The following HDAC9 variants were observed in gnomAD, a reference collection of about 807,000 sequenced individuals.
HDAC9 encodes histone deacetylase 9.
HDAC9 carries 41 observed loss-of-function variants against 139.4 expected under a neutral mutation model. That is an observed-to-expected ratio of 0.29 (90% CI 0.23 to 0.38). The LOEUF is 0.38. Ranked by LOEUF, HDAC9 falls within the 10% of genes least tolerant of loss-of-function variation. The probability of loss-of-function intolerance (pLI) is 1.00; values close to 1 mark genes in which losing one functional copy is unlikely to be tolerated. For synonymous variants in HDAC9, 517 were observed against 476.2 expected, an observed-to-expected ratio of 1.09 and a Z score of -1.12; for missense variants, 1,147 against 1,297.0, an observed-to-expected ratio of 0.88 and a Z score of 1.78.
intron 12 of HDAC9, among the ~76,000 whole-genome samples, chr7:18,707,081 G>A (rs1379928232): frequency 6.6e-6 from 1 of 152,086 alleles, no homozygotes; most frequent in Non-Finnish European, 1.5e-5. Context: ...GAGCCCCAGA[G>A]AAGCCAACTG....
rs374168539 is a variant in HDAC9 at position 18,922,714 on chromosome 7, T to C, written c.2804-13095T>C. ...CAGAGATGGGAATTGGCAGGTCCAA[T>C]TATGCAGTAGGCTATAGAACCTGAG... On this transcript the variant is annotated intron_variant, in intron 22 of 25. Coordinates refer to ENST00000686413, the MANE Select transcript of HDAC9 (RefSeq NM_178425.4). Among the ~76,000 whole-genome samples the C allele has an allele frequency of 5.3e-5, 8 of 152,236 alleles. No homozygotes were observed. The East Asian group carries it at 1.4e-3, about 26-fold the overall frequency.
At chr7:18,789,751 C>G (rs944626370) in intron 16 of HDAC9, among the ~76,000 whole-genome samples, 2 of 152,166 alleles carry the variant, frequency 1.3e-5, no homozygotes, top group East Asian at 3.9e-4. Flanking sequence ...ATCCTTCTTT[C>G]CCTTTTTTCT....
intron 1 of HDAC9, among the ~76,000 whole-genome samples, chr7:18,480,298 G>A (rs1795454030): frequency 6.6e-6 from 1 of 152,118 alleles, no homozygotes; most frequent in African/African-American, 2.4e-5. Context: ...AAATTAGAGT[G>A]CTGTGTGGTC....
chr7:18,919,800 G>A (rs1421695306), intron 22 of HDAC9, among the ~76,000 whole-genome samples: 2 of 151,910 alleles, frequency 1.3e-5, no homozygotes, highest in Non-Finnish European at 2.9e-5. Context: ...TTAAGTTGTT[G>A]ACTACTAAAA....
chr7:18,618,558 C>G (rs1240441345), intron 6 of HDAC9, among the ~76,000 whole-genome samples: 1 of 151,830 alleles, frequency 6.6e-6, no homozygotes, highest in African/African-American at 2.4e-5. Context: ...CTAAATAGAT[C>G]TCACCTACTA....
At chr7:18,168,674 T>C (rs564154730) in intron 2 of HDAC9, among the ~76,000 whole-genome samples, 2 of 152,202 alleles carry the variant, frequency 1.3e-5, no homozygotes, top group African/African-American at 4.8e-5. Context: ...ACCTGTACTT[T>C]TACACTAAAT....
chr7:18,752,487 G>A (rs951892438), intron 14 of HDAC9, among the ~76,000 whole-genome samples: 3 of 152,124 alleles, frequency 2.0e-5, no homozygotes, highest in African/African-American at 7.2e-5. Context: ...AAATAGGCTA[G>A]AAGGGGCTAT....
chr7:18,148,247 C>A (rs1228898156), intron 1 of HDAC9, among the ~76,000 whole-genome samples: 3 of 152,140 alleles, frequency 2.0e-5, no homozygotes, highest in Admixed American at 2.0e-4. Flanking sequence ...CTCACGGTAT[C>A]CGCAGGGCTG....
intron 12 of HDAC9, chr7:18,668,649 G>T (rs2129081528): frequency 1.0e-6 from 1 of 983,448 alleles, no homozygotes; most frequent in South Asian, 4.7e-5. Flanking sequence ...TGGAACCAGT[G>T]AAAAGGAAAG....
intron 2 of HDAC9, among the ~76,000 whole-genome samples, chr7:18,234,457 T>C (rs890488069): frequency 3.3e-5 from 5 of 152,248 alleles, no homozygotes; most frequent in Non-Finnish European, 7.3e-5. Context: ...TTTTATTCCA[T>C]CTACTCATTT....
chr7:18,747,074 T>C (rs1788039144), intron 13 of HDAC9, among the ~76,000 whole-genome samples: 1 of 152,132 alleles, frequency 6.6e-6, no homozygotes, highest in South Asian at 2.1e-4. Context: ...TGTATAAATG[T>C]CACAAGGCTG....
chr7:18,590,430 G>C lies in HDAC9; in HGVS notation c.359G>C (p.Arg120Thr), dbSNP rs1400339114. The change falls in exon 4 of 26, where the codon AGG (arginine) becomes ACG (threonine). Residue 120 changes from arginine (R) to threonine (T), a missense_variant. By Grantham distance (71) the Arg-to-Thr change is moderately conservative. Transcript: ENST00000686413. ...EQQRQEQEVE[R>T]HRREQQLPPL... ...CAGAGGCAAGAACAGGAAGTAGAGA[G>C]GCATCGCAGAGAACAGCAGCTTCCT... 2 of 1,607,818 alleles carry C rather than the reference G, an allele frequency of 1.2e-6. No homozygotes were observed. Among genetic ancestry groups the C allele is most frequent in the African/African-American group, 2.7e-5 (2 of 74,778 alleles).
chr7:18,775,718 A>G (rs1329358199), intron 16 of HDAC9, among the ~76,000 whole-genome samples: 3 of 150,316 alleles, frequency 2.0e-5, no homozygotes, highest in Non-Finnish European at 4.4e-5. Flanking sequence ...CCACTCATGT[A>G]TCTTGTCATA....
intron 2 of HDAC9, among the ~76,000 whole-genome samples, chr7:18,248,973 A>G (rs1001823517): frequency 6.6e-6 from 1 of 152,230 alleles, no homozygotes; most frequent in African/African-American, 2.4e-5. Context: ...ATAAACAACT[A>G]TGCTACTTGC....
At chr7:18,695,795 G>C (rs1160703237) in intron 12 of HDAC9, among the ~76,000 whole-genome samples, 4 of 152,140 alleles carry the variant, frequency 2.6e-5, no homozygotes, top group African/African-American at 9.7e-5. Context: ...TCTATACCTA[G>C]AGAAGAGTGT....
At chr7:18,477,027 A>G (rs115854046) in intron 1 of HDAC9, among the ~76,000 whole-genome samples, 1 of 152,314 alleles carries the variant, frequency 6.6e-6, no homozygotes, top group African/African-American at 2.4e-5. Flanking sequence ...AAATATAGGA[A>G]TTCACATGCC....
At chr7:18,162,206 A>C in intron 1 of HDAC9, 1 of 839,514 alleles carries the variant, frequency 1.2e-6, no homozygotes, top group Non-Finnish European at 1.9e-6. Context: ...TATCTTAAAC[A>C]CTGCATTTTT....
chr7:18,894,577 A>G (rs192344798), intron 22 of HDAC9, among the ~76,000 whole-genome samples: 44 of 152,256 alleles, frequency 2.9e-4, no homozygotes, highest in Non-Finnish European at 4.4e-4. Flanking sequence ...GAGAAATTGG[A>G]GGAGAGAAAT....
intron 12 of HDAC9, among the ~76,000 whole-genome samples, chr7:18,686,137 A>C (rs1215635023): frequency 6.6e-6 from 1 of 152,010 alleles, no homozygotes; most frequent in Non-Finnish European, 1.5e-5. Flanking sequence ...AGTCTCAGTC[A>C]ATTTGTGGTG....
Sources: gnomAD v4.1 joint callset for allele counts (sites outside exome capture counted in the v4.1 genomes callset) on GRCh38, gnomAD v4.1.1 for gene constraint, MANE v1.5 for transcripts, NCBI Gene and HGNC (gene_info 2026-07-23, HGNC 2026-07-21) for gene names.